The following NRCAM variants were observed in gnomAD, a reference collection of about 807,000 sequenced individuals.
The protein encoded by NRCAM is neuronal cell adhesion molecule, also known as NgCAM-related cell adhesion molecule.
Under a neutral mutation model 156.5 loss-of-function variants are expected in NRCAM, and 83 were observed. The ratio of observed to expected loss-of-function variants is 0.53; its 90% CI spans 0.44 to 0.64. NRCAM has a LOEUF of 0.64. Ranked by LOEUF, NRCAM falls within the 30% of genes least tolerant of loss-of-function variation. NRCAM has a pLI of 0.00. For missense variants in NRCAM, 1,417 were observed against 1,597.3 expected (o/e 0.89, Z 1.92); for synonymous variants, 538 against 563.9 (o/e 0.95, Z 0.65).
intron 3 of NRCAM, among the ~76,000 whole-genome samples, chr7:108,301,538 A>G (rs939462127): frequency 1.3e-4 from 20 of 152,166 alleles, no homozygotes; most frequent in Non-Finnish European, 2.6e-4. Flanking sequence ...CAACTGCATG[A>G]CCTCTGACCA....
chr7:108,283,066 C>T (rs1469525537), intron 3 of NRCAM, among the ~76,000 whole-genome samples: 2 of 31,918 alleles, frequency 6.3e-5, no homozygotes, highest in Non-Finnish European at 1.2e-4. Context: ...TACTGACTTT[C>T]TGTAATCAAA....
At chr7:108,442,260 G>A (rs188106046) in intron 1 of NRCAM, among the ~76,000 whole-genome samples, 1 of 152,244 alleles carries the variant, frequency 6.6e-6, no homozygotes, top group Non-Finnish European at 1.5e-5. Context: ...CAGCTGCCAC[G>A]AGTCATCCAT....
intron 3 of NRCAM, among the ~76,000 whole-genome samples, chr7:108,310,017 C>T (rs2098779584): frequency 6.6e-6 from 1 of 152,120 alleles, no homozygotes; most frequent in Admixed American, 6.5e-5. Flanking sequence ...TGTAACTACC[C>T]TTCTCCTAAG....
At chr7:108,164,635 C>T (rs997407668) in intron 30 of NRCAM, among the ~76,000 whole-genome samples, 10 of 152,058 alleles carry the variant, frequency 6.6e-5, no homozygotes, top group Non-Finnish European at 1.3e-4. Context: ...GTTAACCCAG[C>T]AGCCCCAAAG....
intron 3 of NRCAM, among the ~76,000 whole-genome samples, chr7:108,310,290 T>C (rs1462207482): frequency 5.3e-5 from 8 of 152,220 alleles, no homozygotes; most frequent in Non-Finnish European, 1.5e-5. Context: ...TTCAGAGGTA[T>C]CCTCTCTCCT....
intron 11 of NRCAM, among the ~76,000 whole-genome samples, chr7:108,223,198 G>C (rs964133031): frequency 6.6e-6 from 1 of 152,136 alleles, no homozygotes; most frequent in Non-Finnish European, 1.5e-5. Flanking sequence ...TTAACAGCCA[G>C]TAGACCCCAA....
chr7:108,420,433 G>T (rs1342517107), intron 1 of NRCAM, among the ~76,000 whole-genome samples: 1 of 152,110 alleles, frequency 6.6e-6, no homozygotes, highest in Non-Finnish European at 1.5e-5. Flanking sequence ...ATGAATTGCT[G>T]ATCTTTAAAG....
chr7:108,240,272 GA>G, intron 3 of NRCAM, 102 bp from the exon 4 acceptor site: 2 of 393,794 alleles, frequency 5.1e-6, no homozygotes, highest in Non-Finnish European at 9.2e-6. Flanking sequence ...TATTATACAT[GA>G]ACTCTAAAAG....
chr7:108,425,755 T>C (rs933722377), intron 1 of NRCAM, among the ~76,000 whole-genome samples: 1 of 152,188 alleles, frequency 6.6e-6, no homozygotes, highest in African/African-American at 2.4e-5. Flanking sequence ...AAACTATGTG[T>C]TGTTATTATT....
intron 2 of NRCAM, among the ~76,000 whole-genome samples, chr7:108,351,861 A>G (rs1029129974): frequency 6.6e-6 from 1 of 152,156 alleles, no homozygotes; most frequent in African/African-American, 2.4e-5. Context: ...TTTCCAGTGC[A>G]AACACTACAG....
At chr7:108,170,716 T>C (rs2057984626) in intron 28 of NRCAM, among the ~76,000 whole-genome samples, 1 of 152,216 alleles carries the variant, frequency 6.6e-6, no homozygotes, top group Non-Finnish European at 1.5e-5. Flanking sequence ...CACGGGCATA[T>C]GTTCTCAACC....
chr7:108,204,196 G>A (rs2079760860), intron 13 of NRCAM, among the ~76,000 whole-genome samples: 1 of 152,158 alleles, frequency 6.6e-6, no homozygotes, highest in Admixed American at 6.5e-5. Context: ...AGCGGCACAG[G>A]GCTCCTTAAA....
intron 1 of NRCAM, among the ~76,000 whole-genome samples, chr7:108,414,724 A>T (rs1333586929): frequency 6.6e-6 from 1 of 152,186 alleles, no homozygotes; most frequent in Admixed American, 6.5e-5. Context: ...GAAGAGGAAA[A>T]CCATCAGATC....
At chr7:108,343,517 T>C (rs1402491449) in intron 2 of NRCAM, among the ~76,000 whole-genome samples, 1 of 152,076 alleles carries the variant, frequency 6.6e-6, no homozygotes, top group Admixed American at 6.5e-5. Context: ...CCATTAGAAA[T>C]GCTTATAGAA....
At chr7:108,422,471 A>G (rs990680657) in intron 1 of NRCAM, among the ~76,000 whole-genome samples, 1 of 152,200 alleles carries the variant, frequency 6.6e-6, no homozygotes, top group Non-Finnish European at 1.5e-5. Flanking sequence ...CCTTTGGCCC[A>G]AGCTCTTTTA....
At chr7:108,402,276 T>G (rs2099794902) in intron 1 of NRCAM, among the ~76,000 whole-genome samples, 2 of 152,248 alleles carry the variant, frequency 1.3e-5, no homozygotes, top group South Asian at 4.1e-4. Context: ...TTACATTGGG[T>G]AAATTATTTC....
chr7:108,305,301 TAAAG>T (rs1168884376), intron 3 of NRCAM, among the ~76,000 whole-genome samples: 2 of 152,200 alleles, frequency 1.3e-5, no homozygotes, highest in African/African-American at 2.4e-5. Context: ...TGTTACATAA[TAAAG>T]AAATATTTTA....
At chr7:108,188,482 T>A (rs1423138950) in intron 20 of NRCAM, among the ~76,000 whole-genome samples, 1 of 152,068 alleles carries the variant, frequency 6.6e-6, no homozygotes, top group African/African-American at 2.4e-5. Context: ...TATATCCTCA[T>A]CTAAAATATA....
At chr7:108,206,405 T>C (rs550625669) in intron 13 of NRCAM, among the ~76,000 whole-genome samples, 1 of 152,340 alleles carries the variant, frequency 6.6e-6, no homozygotes, top group Non-Finnish European at 1.5e-5. Context: ...CTGTCCTGTA[T>C]CATAAGCCTG....
Sources: gnomAD v4.1 joint callset for allele counts (sites outside exome capture counted in the v4.1 genomes callset) on GRCh38, gnomAD v4.1.1 for gene constraint, MANE v1.5 for transcripts, NCBI Gene and HGNC (gene_info 2026-07-23, HGNC 2026-07-21) for gene names.